RPTOR: variants seen among roughly 807,000 people sequenced by gnomAD.
RPTOR encodes regulatory associated protein of MTOR complex 1, also known as regulatory-associated protein of mTOR.
Under a neutral mutation model 169.9 loss-of-function variants are expected in RPTOR, and 21 were observed. The observed-to-expected ratio is 0.12, with a 90% CI of 0.09 to 0.18. The LOEUF (loss-of-function observed/expected upper bound fraction) is 0.18. Among genes scored for constraint, RPTOR ranks in the 10% least tolerant of loss-of-function variants. The probability of loss-of-function intolerance (pLI) is 1.00; values close to 1 mark genes in which losing one functional copy is unlikely to be tolerated. For synonymous variants in RPTOR, 732 were observed against 753.2 expected, an observed-to-expected ratio of 0.97 and a Z score of 0.46; for missense variants, 1,133 against 1,855.9, an observed-to-expected ratio of 0.61 and a Z score of 7.16.
rs1266214228 is a variant in RPTOR, at chr17:80,545,189, T to C, written c.-441T>C. ...GAACCCGATCCCTTGGCCGGAGACC[T>C]CAGCCCAGTCGGCCCAGTGGGCGAA... is the stretch of plus-strand genomic sequence containing the variant. On this transcript the variant is annotated 5_prime_UTR_variant, in exon 1 of 34. Transcript: ENST00000306801. The C allele has an allele frequency of 8.5e-6, 2 of 235,336 alleles. No individual in the cohort carries two copies. Among genetic ancestry groups the C allele is most frequent in the African/African-American group, 2.2e-5 (1 of 45,400 alleles). 14.6% of individuals were successfully genotyped at this position (235,336 alleles called of 1,614,324 possible). A position where few individuals can be genotyped will look rare whatever the true frequency, so the allele number is the denominator to read the frequency against.
intron 1 of RPTOR, among the ~76,000 whole-genome samples, chr17:80,563,962 C>T (rs938942237): frequency 2.0e-5 from 3 of 152,202 alleles, no homozygotes; most frequent in African/African-American, 7.2e-5. Flanking sequence ...CATGCTCATT[C>T]ACCCCCTTGG....
intron 1 of RPTOR, among the ~76,000 whole-genome samples, chr17:80,582,839 T>C (rs941810916): frequency 2.0e-5 from 3 of 152,000 alleles, no homozygotes; most frequent in Admixed American, 2.0e-4. Context: ...CCACCGCGCA[T>C]GGCCAAATGG....
At chr17:80,603,948 G>A (rs1283825929) in intron 1 of RPTOR, among the ~76,000 whole-genome samples, 1 of 152,198 alleles carries the variant, frequency 6.6e-6, no homozygotes. Context: ...TAGTTAGGGT[G>A]GTGGGAATCC....
At chr17:80,887,960 G>A (rs890681030) in intron 17 of RPTOR, among the ~76,000 whole-genome samples, 4 of 152,180 alleles carry the variant, frequency 2.6e-5, no homozygotes, top group African/African-American at 9.7e-5. Flanking sequence ...CCAGGGGTGC[G>A]GGGCTAGAAC....
intron 1 of RPTOR, among the ~76,000 whole-genome samples, chr17:80,553,033 A>G (rs1236398911): frequency 6.6e-6 from 1 of 152,218 alleles, no homozygotes; most frequent in Non-Finnish European, 1.5e-5. Flanking sequence ...ATGGAACACC[A>G]TTGGCCTTTT....
intron 9 of RPTOR, among the ~76,000 whole-genome samples, chr17:80,833,153 A>G (rs1396057770): frequency 6.6e-6 from 1 of 152,068 alleles, no homozygotes; most frequent in South Asian, 2.1e-4. Context: ...GGCTGTGCGG[A>G]CTTGGACTTG....
Position 80,961,413 on chromosome 17 carries a change from G to C in RPTOR, c.3625G>C (p.Glu1209Gln), listed in dbSNP as rs1326619477. The C allele has an allele frequency of 1.3e-6, 2 of 1,550,334 alleles. No individual in the cohort carries two copies. Among genetic ancestry groups the C allele is most frequent in the Non-Finnish European group, 1.7e-6 (2 of 1,147,610 alleles). The change falls in exon 31 of 34, where the codon GAG becomes CAG. Residue 1209 changes from glutamate (E) to glutamine (Q), a missense_variant. By Grantham distance (29) the Glu-to-Gln change is conservative (BLOSUM62 2). Coordinates refer to ENST00000306801, the MANE Select transcript of RPTOR (RefSeq NM_020761.3). ...LSECRVMTYR[E>Q]HTAWVVKASL... The stretch of plus-strand genomic sequence containing the variant: ...CTACAGCCGCGTCATGACGTACCGG[G>C]AGCACACAGCCTGGGTGGTGAAGGC...
At chr17:80,657,451 A>G (rs1287065579) in intron 3 of RPTOR, among the ~76,000 whole-genome samples, 1 of 152,238 alleles carries the variant, frequency 6.6e-6, no homozygotes, top group Non-Finnish European at 1.5e-5. Context: ...TGATAGCCAA[A>G]GTAACCAGCT....
rs1434720549 is a variant in RPTOR at position 80,959,325 on chromosome 17, G to T, written c.3478-753G>T. Among the ~76,000 whole-genome samples the T allele has an allele frequency of 3.3e-5, 5 of 152,204 alleles. No individual in the cohort carries two copies. The highest frequency in any genetic ancestry group is 7.4e-5 in the Non-Finnish European group (5 of 68,022). On this transcript the variant is annotated intron_variant, in intron 29 of 33. Transcript: ENST00000306801. The surrounding 1 kb of genome is among the most constrained non-coding windows in gnomAD (Gnocchi z 6.7). The stretch of plus-strand genomic sequence containing the variant: ...TCCTCAGGGTCTGGTCACCAGTGGG[G>T]GCTTAGAGGCCCAGGTGGCCTGCGG...
Position 80,883,899 on chromosome 17 carries a change from C to T in RPTOR, c.1769C>T (p.Ser590Leu), listed in dbSNP as rs958232972. The stretch of plus-strand genomic sequence containing the variant: ...GGCAGGATCTGGCAGAACTTCGACT[C>T]GGCGAGGTGGTGCGGCGTGAGGGAC... ...CLGRIWQNFD[S>L]ARWCGVRDSA... is the part of the protein sequence containing the mutation. The change falls in exon 16 of 34, where the codon TCG becomes TTG. Residue 590 changes from serine to leucine, a missense_variant. Transcript: ENST00000306801. The T allele has an allele frequency of 1.9e-6, 3 of 1,613,524 alleles. No individual in the cohort carries two copies. The highest frequency in any genetic ancestry group is 1.3e-5 in the African/African-American group (1 of 74,944).
At chr17:80,948,116 C>A (rs543814188) in intron 27 of RPTOR, among the ~76,000 whole-genome samples, 3 of 152,202 alleles carry the variant, frequency 2.0e-5, no homozygotes, top group South Asian at 4.1e-4. Context: ...GGGAGGCAGG[C>A]GGGGGAGGCC....
At chr17:80,682,080 C>T (rs79099561) in intron 3 of RPTOR, among the ~76,000 whole-genome samples, 7,975 of 150,442 alleles carry the variant, frequency 0.053, 282 homozygotes, top group Non-Finnish European at 0.078. Context: ...GTGAATATTA[C>T]CTCATGTGGT....
Position 80,820,734 on chromosome 17 carries a change from C to T in RPTOR, c.891-1467C>T, listed in dbSNP as rs1041530589. On this transcript the variant is annotated intron_variant, in intron 7 of 33. Transcript: ENST00000306801. The surrounding 1 kb of genome is among the most constrained non-coding windows in gnomAD (Gnocchi z 4.1). ...TGGGGAGAAGGAGGAGGGGCTGAGA[C>T]GAGTCTCTGCTGTCCTTGTGCCGTG... 2.6e-5 allele frequency among the ~76,000 whole-genome samples: 4 copies of T among 152,150 alleles called. No homozygotes were observed. Among genetic ancestry groups the T allele is most frequent in the South Asian group, 2.1e-4 (1 of 4,826 alleles).
chr17:80,580,266 C>T (rs1019546036), intron 1 of RPTOR, among the ~76,000 whole-genome samples: 5 of 152,110 alleles, frequency 3.3e-5, no homozygotes, highest in African/African-American at 1.2e-4. Context: ...TGGTTATTTT[C>T]TCAGTATGGT....
At chr17:80,766,474 C>A (rs1223549433) in intron 6 of RPTOR, among the ~76,000 whole-genome samples, 1 of 152,200 alleles carries the variant, frequency 6.6e-6, no homozygotes, top group African/African-American at 2.4e-5. Flanking sequence ...TTTAGCCTCC[C>A]AAAGTGCTGG....
At chr17:80,944,563 G>A (rs1384626284) in intron 25 of RPTOR, among the ~76,000 whole-genome samples, 1 of 152,224 alleles carries the variant, frequency 6.6e-6, no homozygotes, top group Non-Finnish European at 1.5e-5. Context: ...GAGCCCAGAT[G>A]TGCCTGCTCC....
Position 80,714,101 on chromosome 17 carries a change from GCTAA to G in RPTOR, c.507+6105_507+6108del, listed in dbSNP as rs2066219966. Among the ~76,000 whole-genome samples the G allele has an allele frequency of 4.6e-5, 7 of 152,190 alleles. No homozygotes were observed. The South Asian group carries it at 1.2e-3, about 27-fold the overall frequency. ...CTACAGGCGCCCACCACCACGCCTG[GCTAA>G]CTGTTTTGTATTTTTAGTAGAGATG... On this transcript the variant is annotated intron_variant, in intron 4 of 33. Transcript: ENST00000306801.
intron 25 of RPTOR, chr17:80,941,386 G>C (rs1472402491): frequency 6.6e-6 from 1 of 152,530 alleles, no homozygotes; most frequent in African/African-American, 2.4e-5. Flanking sequence ...GGCCCTGAGA[G>C]TCAACACAGC....
chr17:80,578,842 G>A (rs980157898), intron 1 of RPTOR, among the ~76,000 whole-genome samples: 1 of 152,230 alleles, frequency 6.6e-6, no homozygotes, highest in Non-Finnish European at 1.5e-5. Flanking sequence ...CACAGTGCAG[G>A]GGCCTGGGAG....
Sources: allele counts gnomAD v4.1 joint callset (sites outside exome capture counted in the v4.1 genomes callset), GRCh38; gene constraint gnomAD v4.1.1; non-coding constraint Gnocchi (gnomAD v3.1); transcripts MANE v1.5; gene names NCBI Gene and HGNC (gene_info 2026-07-23, HGNC 2026-07-21).